The following RARB variants were observed in gnomAD, a reference collection of about 807,000 sequenced individuals.
RARB encodes the protein retinoic acid receptor beta.
A neutral mutation model predicts 51.9 loss-of-function variants in RARB; 17 were observed. The observed-to-expected ratio is 0.33, with a 90% CI of 0.22 to 0.49. RARB has a LOEUF of 0.49. Ranked by LOEUF, RARB falls within the 20% of genes least tolerant of loss-of-function variation. The pLI is 0.99. For missense variants in RARB, 369 were observed against 550.8 expected, an observed-to-expected ratio of 0.67 and a Z score of 3.30; for synonymous variants, 215 against 195.4, an observed-to-expected ratio of 1.10 and a Z score of -0.84.
At chr3:25,006,962 A>T (rs1473425851) in intron 2 of RARB, among the ~76,000 whole-genome samples, 2 of 152,188 alleles carry the variant, frequency 1.3e-5, no homozygotes, top group Non-Finnish European at 2.9e-5. Context: ...AATAATCCAC[A>T]GTATTATGTA....
intron 5 of RARB, among the ~76,000 whole-genome samples, chr3:25,195,183 T>C: frequency 6.6e-6 from 1 of 152,006 alleles, no homozygotes. Context: ...GTAGGTCTTG[T>C]TATGAAATTT....
intron 1 of RARB, among the ~76,000 whole-genome samples, chr3:25,435,252 C>CA (rs964045387): frequency 3.3e-5 from 5 of 151,854 alleles, no homozygotes; most frequent in Non-Finnish European, 5.9e-5. Context: ...TTTGTCAAGT[C>CA]AAAAAAATAG....
intron 3 of RARB, among the ~76,000 whole-genome samples, chr3:25,101,481 TATAG>T (rs1295526767): frequency 6.6e-6 from 1 of 152,148 alleles, no homozygotes. Context: ...CATATTTTGT[TATAG>T]ATTACTGTTT....
chr3:25,503,819 A>G (rs762068337), intron 3 of RARB, among the ~76,000 whole-genome samples: 6 of 152,196 alleles, frequency 3.9e-5, no homozygotes, highest in African/African-American at 1.4e-4. Context: ...ACCAAGAATA[A>G]TAGATACTCA....
chr3:25,343,044 G>GTGTA (rs1241135675), intron 5 of RARB, among the ~76,000 whole-genome samples: 1 of 150,516 alleles, frequency 6.6e-6, no homozygotes, highest in African/African-American at 2.4e-5. Flanking sequence ...GTGTGTGTGT[G>GTGTA]TGTGTGTGTG....
chr3:25,453,367 C>G (rs1041535867), intron 1 of RARB, among the ~76,000 whole-genome samples: 52 of 151,572 alleles, frequency 3.4e-4, no homozygotes, highest in African/African-American at 1.2e-3. Flanking sequence ...CCTGCCTCAG[C>G]CTCCCGAGTA....
chr3:25,419,647 A>T (rs2125505986), intron 5 of RARB, among the ~76,000 whole-genome samples: 1 of 152,306 alleles, frequency 6.6e-6, no homozygotes, highest in South Asian at 2.1e-4. Flanking sequence ...ATGCACCTGA[A>T]TAGACCCCCA....
At chr3:25,267,725 G>T (rs890870900) in intron 5 of RARB, among the ~76,000 whole-genome samples, 1 of 152,104 alleles carries the variant, frequency 6.6e-6, no homozygotes, top group South Asian at 2.1e-4. Context: ...TCAAATTTGG[G>T]AGCTATCTGG....
chr3:25,270,176 G>A (rs952976061), intron 5 of RARB, among the ~76,000 whole-genome samples: 1 of 152,156 alleles, frequency 6.6e-6, no homozygotes, highest in Non-Finnish European at 1.5e-5. Context: ...GACTCAAACA[G>A]ATATTTTTAC....
intron 5 of RARB, among the ~76,000 whole-genome samples, chr3:25,388,526 A>G (rs879775348): frequency 6.6e-6 from 1 of 152,240 alleles, no homozygotes; most frequent in Non-Finnish European, 1.5e-5. Context: ...GTGTACCATC[A>G]GAATTTATTT....
At chr3:25,044,547 G>A (rs1332979534) in intron 2 of RARB, among the ~76,000 whole-genome samples, 1 of 152,120 alleles carries the variant, frequency 6.6e-6, no homozygotes. Context: ...GCCTGGGATT[G>A]GTGTTCAAGG....
At chr3:25,058,423 A>G (rs1340490496) in intron 2 of RARB, among the ~76,000 whole-genome samples, 1 of 151,744 alleles carries the variant, frequency 6.6e-6, no homozygotes, top group Non-Finnish European at 1.5e-5. Flanking sequence ...ATTGTATAAA[A>G]CTTACACAGT....
intron 5 of RARB, among the ~76,000 whole-genome samples, chr3:25,175,367 T>A (rs1306942960): frequency 1.3e-5 from 2 of 152,226 alleles, no homozygotes; most frequent in Non-Finnish European, 2.9e-5. Context: ...ATCCACAGCA[T>A]GTTCTCCAAG....
At chr3:25,412,768 C>A (rs1340744526) in intron 5 of RARB, among the ~76,000 whole-genome samples, 6 of 152,108 alleles carry the variant, frequency 3.9e-5, no homozygotes, top group Non-Finnish European at 4.4e-5. Context: ...GCCTGTAATC[C>A]CAGCATTTTG....
chr3:25,377,805 A>G (rs1706508441), intron 5 of RARB, among the ~76,000 whole-genome samples: 1 of 152,178 alleles, frequency 6.6e-6, no homozygotes, highest in Non-Finnish European at 1.5e-5. Context: ...GGGACCTTTG[A>G]GTCACTTAAC....
chr3:25,422,918 G>A (rs1293645389), intron 5 of RARB, among the ~76,000 whole-genome samples: 1 of 152,160 alleles, frequency 6.6e-6, no homozygotes, highest in Non-Finnish European at 1.5e-5. Context: ...TACAGCCCAT[G>A]AGCAAAACCT....
At chr3:25,224,032 C>G (rs1702002215) in intron 5 of RARB, among the ~76,000 whole-genome samples, 1 of 152,148 alleles carries the variant, frequency 6.6e-6, no homozygotes, top group Non-Finnish European at 1.5e-5. Flanking sequence ...AAATGGTACA[C>G]TTGGAAACAC....
At chr3:25,471,532 G>C (rs1394332241) in intron 2 of RARB, among the ~76,000 whole-genome samples, 2 of 148,406 alleles carry the variant, frequency 1.3e-5, no homozygotes, top group Admixed American at 6.7e-5. Context: ...TTTCCTTCTG[G>C]TGTATGGATA....
chr3:25,352,678 A>C (rs892857284), intron 5 of RARB, among the ~76,000 whole-genome samples: 1 of 152,226 alleles, frequency 6.6e-6, no homozygotes, highest in East Asian at 1.9e-4. Flanking sequence ...TCATGTCAGC[A>C]GGACAAAATT....
Sources: gnomAD v4.1 joint callset for allele counts (sites outside exome capture counted in the v4.1 genomes callset) on GRCh38, gnomAD v4.1.1 for gene constraint, MANE v1.5 for transcripts, NCBI Gene and HGNC (gene_info 2026-07-23, HGNC 2026-07-21) for gene names.